The following FLNC variants were observed in gnomAD, a reference collection of about 807,000 sequenced individuals.
FLNC encodes filamin C.
Under a neutral mutation model 254.3 loss-of-function variants are expected in FLNC, and 91 were observed. The ratio of observed to expected loss-of-function variants is 0.36; its 90% confidence interval spans 0.30 to 0.43. The LOEUF (loss-of-function observed/expected upper bound fraction) is 0.43. Among genes scored for constraint, FLNC ranks in the 20% least tolerant of loss-of-function variants. The probability of loss-of-function intolerance (pLI) is 1.00; values close to 1 mark genes in which losing one functional copy is unlikely to be tolerated. For synonymous variants in FLNC, 1,430 were observed against 1,577.2 expected (o/e 0.91, Z 2.21); for missense variants, 2,853 against 3,802.6 (o/e 0.75, Z 6.57).
At position 128,830,652 on chromosome 7, in the gene FLNC, C is replaced by T; in HGVS notation, c.15C>T (p.Ser5=). The part of the protein sequence containing the change: MMNN[S]GYSDAGLGLG... ...CCCGCGCCAGCATGATGAACAACAG[C>T]GGCTACTCAGACGCCGGCCTCGGCC... Residue 5 remains serine, a synonymous_variant, in exon 1 of 48, where the codon AGC becomes AGT. Coordinates refer to ENST00000325888, the MANE Select transcript of FLNC (RefSeq NM_001458.5). 1 of 1,612,248 alleles carries T rather than the reference C, an allele frequency of 6.2e-7. No homozygotes were observed. The highest frequency in any genetic ancestry group is 8.5e-7 in the Non-Finnish European group (1 of 1,179,830).
intron 42 of FLNC, 134 bp downstream of exon 42, chr7:128,855,046 G>A (rs778288229): frequency 4.3e-5 from 47 of 1,093,860 alleles, no homozygotes; most frequent in East Asian, 2.4e-4. Context: ...CCTCTGCCCC[G>A]TCTCCCTCTA....
rs749303411 is a variant in FLNC, at chr7:128,845,269, A to G, written c.3790+14A>G. 3 of 1,605,518 alleles carry G rather than the reference A, an allele frequency of 1.9e-6. No homozygotes were observed. Among genetic ancestry groups the G allele is most frequent in the Non-Finnish European group, 2.6e-6 (3 of 1,173,938 alleles). On this transcript the variant is annotated intron_variant, in intron 21 of 47. Coordinates refer to ENST00000325888, the MANE Select transcript of FLNC (RefSeq NM_001458.5). ...TTGAGCCACACGGTGAGTGGACAGGAGGAGCCAAGAAAGGTCAAGTGGCAG... is the reference window on the plus strand; with the variant it reads ...TTGAGCCACACGGTGAGTGGACAGGGGGAGCCAAGAAAGGTCAAGTGGCAG...
intron 8 of FLNC, among the ~76,000 whole-genome samples, chr7:128,839,241 C>T (rs917271783): frequency 6.6e-6 from 1 of 152,164 alleles, no homozygotes; most frequent in Non-Finnish European, 1.5e-5. Context: ...TGTGGAATCG[C>T]CCCCCCTTCC....
Position 128,842,365 on chromosome 7 carries a change from C to T in FLNC, c.2256C>T (p.Ser752=). ...ISWGGVNVPK[S]PFRVNVGEGS... Reference sequence around the variant, plus strand: ...GGGGAGGCGTAAACGTGCCCAAGAGCCCCTTCCGGGTGCGTCCTCCCGGCC... The same window carrying T: ...GGGGAGGCGTAAACGTGCCCAAGAGTCCCTTCCGGGTGCGTCCTCCCGGCC... The change falls in exon 14 of 48, where the codon AGC becomes AGT. Residue 752 remains serine (S), a synonymous_variant. Transcript: ENST00000325888. This position sits in a 1 kb window ranked among gnomAD's most constrained non-coding sequence, Gnocchi z 5.4. 1 of 1,613,458 alleles carries T rather than the reference C, an allele frequency of 6.2e-7. No homozygotes were observed. The highest frequency in any genetic ancestry group is 1.3e-5 in the African/African-American group (1 of 75,064).
At position 128,858,106 on chromosome 7, in the gene FLNC, T is replaced by C; in HGVS notation, c.7879T>C (p.Ser2627Pro). The C allele has an allele frequency of 6.2e-7, 1 of 1,613,572 alleles. No individual in the cohort carries two copies. The change falls in exon 47 of 48, where the codon TCC (serine) becomes CCC (proline). Residue 2627 changes from serine to proline, a missense_variant. Physicochemically the swap from Ser to Pro is moderately conservative, Grantham distance 74. Coordinates refer to ENST00000325888, the MANE Select transcript of FLNC (RefSeq NM_001458.5). The surrounding 1 kb of genome is among the most constrained non-coding windows in gnomAD (Gnocchi z 6.7). ...SSSSRGSSYS[S>P]IPKFSSDASK... is the part of the protein sequence containing the mutation. ...CTCAAGCCGGGGCTCCAGCTACAGC[T>C]CCATCCCCAAGTTCTCCTCAGATGC...
At chr7:128,834,205 A>T (rs1808002181) in intron 1 of FLNC, among the ~76,000 whole-genome samples, 1 of 152,110 alleles carries the variant, frequency 6.6e-6, no homozygotes, top group Non-Finnish European at 1.5e-5. Flanking sequence ...AGATTTCAGA[A>T]CTTCATTGCC....
At chr7:128,833,557 T>C (rs1807974880) in intron 1 of FLNC, among the ~76,000 whole-genome samples, 1 of 152,062 alleles carries the variant, frequency 6.6e-6, no homozygotes, top group Non-Finnish European at 1.5e-5. Context: ...CCAGGGCCAG[T>C]TGCTGGGGAG....
At position 128,858,585 on chromosome 7, in the gene FLNC, A is replaced by G. The variant is rs1444095438; in HGVS notation, c.*62A>G. 6.5e-6 allele frequency: 7 copies of G among 1,077,284 alleles called. No homozygotes were observed. The highest frequency in any genetic ancestry group is 1.0e-5 in the Non-Finnish European group (7 of 701,212). 66.7% of individuals were successfully genotyped at this position (1,077,284 alleles called of 1,614,324 possible). A position where few individuals can be genotyped will look rare whatever the true frequency, so the allele number is the denominator to read the frequency against. On this transcript the variant is annotated 3_prime_UTR_variant, in exon 48 of 48. Transcript: ENST00000325888. This position sits in a 1 kb window ranked among gnomAD's most constrained non-coding sequence, Gnocchi z 6.7. ...CCAGCCACACACACATTACACACAC[A>G]CACACACACACACAAATGTGCCACA...
chr7:128,848,309 C>T (rs1808650285), intron 26 of FLNC, among the ~76,000 whole-genome samples: 1 of 152,164 alleles, frequency 6.6e-6, no homozygotes, highest in African/African-American at 2.4e-5. Context: ...GGGCCAGGGC[C>T]TCCTCCTGGA....
Position 128,853,937 on chromosome 7 carries a change from G to A in FLNC, c.6485-37G>A, listed in dbSNP as rs184755949. The A allele has an allele frequency of 2.3e-4, 378 of 1,613,186 alleles. 3 individuals are homozygous for A. The East Asian group carries it at 6.5e-3, about 28-fold the overall frequency. ...CCTCCACCCTGCTTCCTCACCCCTC[G>A]CTTCCCTCCCTCACCCTGGCTCCCT... is the stretch of plus-strand genomic sequence containing the variant. On this transcript the variant is annotated intron_variant, in intron 39 of 47. Transcript: ENST00000325888.
Position 128,843,483 on chromosome 7 carries a change from T to C in FLNC, c.2717T>C (p.Phe906Ser), listed in dbSNP as rs1212936871. 1.9e-6 allele frequency: 3 copies of C among 1,614,114 alleles called. No homozygotes were observed. The Admixed American group carries it at 5.0e-5, about 27-fold the overall frequency. The stretch of plus-strand genomic sequence containing the variant: ...GGCAAGGCCAAGCTGGATGTGCAGT[T>C]TGCAGGGACAGCCAAGGGCGAGGTT... ...GAGKAKLDVQ[F>S]AGTAKGEVVR... Residue 906 changes from phenylalanine (F) to serine (S), a missense_variant, in exon 18 of 48, where the codon TTT (phenylalanine) becomes TCT (serine). Phe to Ser is a radical substitution (Grantham distance 155). This residue lies in a region of FLNC where 1,573 missense variants were observed against 1,883.5 expected (regional missense o/e 0.84). Coordinates refer to ENST00000325888, the MANE Select transcript of FLNC (RefSeq NM_001458.5).
intron 1 of FLNC, among the ~76,000 whole-genome samples, chr7:128,833,626 C>G (rs910831367): frequency 3.9e-5 from 6 of 152,322 alleles, no homozygotes; most frequent in South Asian, 2.1e-4. Context: ...ACCGCCCCCC[C>G]CAACCCCTGC....
chr7:128,851,290 G>A lies in FLNC; in HGVS notation c.5598G>A (p.Gly1866=), dbSNP rs558041075. 8.7e-6 allele frequency: 14 copies of A among 1,614,096 alleles called. No homozygotes were observed. In the South Asian group the frequency reaches 1.5e-4, roughly 18 times the overall value. The part of the protein sequence containing the change: ...AINSRHVSAY[G]PGLSHGMVNK... ...ACAGCCGCCATGTCAGTGCCTATGGGCCAGGCCTGAGCCATGGCATGGTCA... is the reference window on the plus strand; with the variant it reads ...ACAGCCGCCATGTCAGTGCCTATGGACCAGGCCTGAGCCATGGCATGGTCA... Residue 1866 remains glycine, a synonymous_variant, in exon 34 of 48, where the codon GGG becomes GGA. Coordinates refer to ENST00000325888, the MANE Select transcript of FLNC (RefSeq NM_001458.5).
intron 10 of FLNC, 33 bp from the exon 11 acceptor site, chr7:128,840,801 C>G (rs370949202): frequency 1.9e-6 from 3 of 1,613,778 alleles, no homozygotes; most frequent in Non-Finnish European, 2.5e-6. Context: ...GGGGGCACTT[C>G]CTGGCATGGA....
intron 30 of FLNC, 152 bp from the exon 31 acceptor site, chr7:128,849,824 C>T (rs1367056661): frequency 5.3e-6 from 4 of 753,812 alleles, no homozygotes; most frequent in Non-Finnish European, 9.0e-6. Context: ...TGCTCTCCAC[C>T]ATCCCCAGCT....
At position 128,843,311 on chromosome 7, in the gene FLNC, A is replaced by G. The variant is rs1808417929; in HGVS notation, c.2633A>G (p.Asn878Ser). ...SKVKAEGPGL[N>S]RTGVEVGKPT... ...GTCAAGGCCGAGGGCCCTGGGCTGAATCGCACAGGTGAGTGTCTGGGCAGG... is the reference window on the plus strand; with the variant it reads ...GTCAAGGCCGAGGGCCCTGGGCTGAGTCGCACAGGTGAGTGTCTGGGCAGG... The change falls in exon 17 of 48, where the codon AAT becomes AGT. Residue 878 changes from asparagine to serine, a missense_variant. Asn to Ser is a conservative substitution (Grantham distance 46). This residue lies in a region of FLNC where 1,573 missense variants were observed against 1,883.5 expected (regional missense o/e 0.84). Coordinates refer to ENST00000325888, the MANE Select transcript of FLNC (RefSeq NM_001458.5). The G allele has an allele frequency of 1.2e-6, 2 of 1,612,990 alleles. No individual in the cohort carries two copies. Among genetic ancestry groups the G allele is most frequent in the Non-Finnish European group, 1.7e-6 (2 of 1,179,564 alleles).
Position 128,838,355 on chromosome 7 carries a change from C to T in FLNC, c.1136C>T (p.Ser379Leu). ...GMALGDANKV[S>L]ARGPGLEPVG... Reference sequence around the variant, plus strand: ...GCCCTGGGAGATGCCAACAAGGTGTCAGCCCGTGGCCCTGGCCTGGAACCT... The same window carrying T: ...GCCCTGGGAGATGCCAACAAGGTGTTAGCCCGTGGCCCTGGCCTGGAACCT... Residue 379 changes from serine to leucine, a missense_variant, in exon 7 of 48, where the codon TCA becomes TTA. By Grantham distance (145) the Ser-to-Leu change is moderately radical. Around this residue, in one of 10 missense-constraint regions of FLNC, gnomAD observed 1,573 missense variants for 1,883.5 expected, o/e 0.84. Transcript: ENST00000325888. The T allele has an allele frequency of 6.2e-7, 1 of 1,614,112 alleles. No individual in the cohort carries two copies. The highest frequency in any genetic ancestry group is 8.5e-7 in the Non-Finnish European group (1 of 1,180,000).
Position 128,849,427 on chromosome 7 carries a change from C to T in FLNC, c.5048C>T (p.Ser1683Phe). The part of the protein sequence containing the change: ...AGEGKVTCTV[S>F]TPDGAELDVD... The stretch of plus-strand genomic sequence containing the variant: ...GAGGGGAAGGTGACATGCACGGTGT[C>T]CACGCCGGATGGGGCAGAGCTCGAT... The change falls in exon 30 of 48, where the codon TCC (serine) becomes TTC (phenylalanine). Residue 1683 changes from serine (S) to phenylalanine (F), a missense_variant. Transcript: ENST00000325888. 3 of 1,614,208 alleles carry T rather than the reference C, an allele frequency of 1.9e-6. No individual in the cohort carries two copies. The highest frequency in any genetic ancestry group is 2.5e-6 in the Non-Finnish European group (3 of 1,180,034).
rs373310802 is a variant in FLNC at position 128,845,017 on chromosome 7, C to T, written c.3552C>T (p.Gly1184=). 23 of 1,613,618 alleles carry T rather than the reference C, an allele frequency of 1.4e-5. No homozygotes were observed. The highest frequency in any genetic ancestry group is 1.9e-5 in the Non-Finnish European group (23 of 1,180,022). Residue 1184 remains glycine (G), a synonymous_variant, in exon 21 of 48, where the codon GGC becomes GGT. Transcript: ENST00000325888. ...TCACTGTGGACTGCTCAGAGGCAGG[C>T]GAGGCGGAGCTGACCATTGAGATCC... is the stretch of plus-strand genomic sequence containing the variant. ...ATFTVDCSEA[G]EAELTIEILS...
Sources: gnomAD v4.1 joint callset for allele counts (sites outside exome capture counted in the v4.1 genomes callset) on GRCh38, gnomAD v4.1.1 for gene constraint, gnomAD v4.1.1 regional missense constraint, Gnocchi (gnomAD v3.1) non-coding constraint, MANE v1.5 for transcripts, NCBI Gene and HGNC (gene_info 2026-07-23, HGNC 2026-07-21) for gene names.